Variants in IFT140 observed in about 807,000 individuals in gnomAD.
IFT140 encodes intraflagellar transport protein 140 homolog.
IFT140 carries 133 observed loss-of-function variants against 164.6 expected under a neutral mutation model. The observed-to-expected ratio is 0.81, with a 90% CI of 0.70 to 0.93. The LOEUF is 0.93. IFT140 is among the 40% of genes least tolerant of loss of function. The probability of loss-of-function intolerance (pLI) is 0.00; values close to 1 mark genes in which losing one functional copy is unlikely to be tolerated. For missense variants in IFT140, 2,045 were observed against 1,972.3 expected, an observed-to-expected ratio of 1.04 and a Z score of -0.70; for synonymous variants, 860 against 817.3, an observed-to-expected ratio of 1.05 and a Z score of -0.89.
rs543338352 is a variant in IFT140, at chr16:1,533,975, C to G, written c.2400-7179G>C. 4.5e-6 allele frequency: 2 copies of G among 447,664 alleles called. No homozygotes were observed. The highest frequency in any genetic ancestry group is 4.2e-5 in the African/African-American group (2 of 47,730). 27.7% of individuals were successfully genotyped at this position (447,664 alleles called of 1,614,324 possible). A position where few individuals can be genotyped will look rare whatever the true frequency, so the allele number is the denominator to read the frequency against. On this transcript the variant is annotated intron_variant, in intron 19 of 30. Coordinates refer to ENST00000426508, the MANE Select transcript of IFT140 (RefSeq NM_014714.4). The surrounding 1 kb of genome is among the most constrained non-coding windows in gnomAD (Gnocchi z 4.7). The stretch of plus-strand genomic sequence containing the variant: ...GCGGCACAGGCCGGCCTCCGCTTCC[C>G]GGGAAGACGGCGCACTCCTGGCCCT...
intron 19 of IFT140, among the ~76,000 whole-genome samples, chr16:1,527,506 G>A (rs1342603732): frequency 6.6e-6 from 1 of 152,186 alleles, no homozygotes. Flanking sequence ...GAAGGAACAG[G>A]GTGCCAAGTG....
intron 15 of IFT140, 79 bp from the exon 16 acceptor site, chr16:1,566,370 C>A: frequency 7.1e-7 from 1 of 1,413,750 alleles, no homozygotes; most frequent in African/African-American, 1.4e-5. Context: ...GGGACTGACA[C>A]AGCACATGTC....
At position 1,533,200 on chromosome 16, in the gene IFT140, C is replaced by T. The variant is rs3809586; in HGVS notation, c.2400-6404G>A. The stretch of plus-strand genomic sequence containing the variant: ...GGTGAACTTGCTCCCTCCAGGCACA[C>T]GGGTCTCTCCCCTTCCCAGCAATCC... On this transcript the variant is annotated intron_variant, in intron 19 of 30. Coordinates refer to ENST00000426508, the MANE Select transcript of IFT140 (RefSeq NM_014714.4). The surrounding 1 kb of genome is among the most constrained non-coding windows in gnomAD (Gnocchi z 4.7). 0.066 allele frequency: 9,998 copies of T among 152,510 alleles called. 567 individuals carry two copies. Among genetic ancestry groups the T allele is most frequent in the Admixed American group, 0.18 (2,785 of 15,294 alleles). 9.4% of individuals were successfully genotyped at this position (152,510 alleles called of 1,614,324 possible).
chr16:1,565,450 G>A (rs923145409), intron 16 of IFT140, among the ~76,000 whole-genome samples: 2 of 152,242 alleles, frequency 1.3e-5, no homozygotes, highest in East Asian at 1.9e-4. Flanking sequence ...AGAGGCAGGG[G>A]GAATCCAGGG....
intron 13 of IFT140, chr16:1,576,984 T>A (rs908495680): frequency 6.6e-6 from 1 of 152,166 alleles, no homozygotes; most frequent in African/African-American, 2.4e-5. Context: ...CACCTCCGAG[T>A]GGGCAGCTCC....
chr16:1,557,878 A>C (rs1051348500), intron 19 of IFT140, 57 bp downstream of exon 19: 1 of 1,535,208 alleles, frequency 6.5e-7, no homozygotes, highest in African/African-American at 1.4e-5. Flanking sequence ...ACAGGGAGAA[A>C]GGAAAGAGCC....
Position 1,605,707 on chromosome 16 carries a change from C to A in IFT140, c.147+1413G>T, listed in dbSNP as rs1038493841. 2.0e-5 allele frequency among the ~76,000 whole-genome samples: 3 copies of A among 152,074 alleles called. No homozygotes were observed. The South Asian group carries it at 6.2e-4, about 32-fold the overall frequency. ...GCGTGAGCCACCGCACCTGGCACCT[C>A]ATTTTCTTTATGGAATATGAGGTGC... is the stretch of plus-strand genomic sequence containing the variant. On this transcript the variant is annotated intron_variant, in intron 3 of 30. Coordinates refer to ENST00000426508, the MANE Select transcript of IFT140 (RefSeq NM_014714.4).
At chr16:1,513,519 A>T (rs1320050315) in intron 30 of IFT140, among the ~76,000 whole-genome samples, 2 of 151,932 alleles carry the variant, frequency 1.3e-5, no homozygotes, top group Non-Finnish European at 2.9e-5. Context: ...AAGAATGAGA[A>T]GAGAGGCTTC....
chr16:1,552,566 CA>C (rs1412396953), intron 19 of IFT140, among the ~76,000 whole-genome samples: 2 of 152,140 alleles, frequency 1.3e-5, no homozygotes, highest in African/African-American at 4.8e-5. Flanking sequence ...ATCGATACCA[CA>C]CAATCGTGAG....
intron 13 of IFT140, among the ~76,000 whole-genome samples, chr16:1,571,959 CCT>C (rs1253035492): frequency 3.9e-5 from 6 of 152,148 alleles, no homozygotes; most frequent in African/African-American, 1.4e-4. Flanking sequence ...CTGTGGAGGC[CCT>C]GTCATGTGAA....
chr16:1,556,286 G>A (rs953156635), intron 19 of IFT140, among the ~76,000 whole-genome samples: 1 of 152,216 alleles, frequency 6.6e-6, no homozygotes, highest in African/African-American at 2.4e-5. Context: ...TACATCTGAG[G>A]GGTCAAAACC....
In IFT140 at chr16:1,557,985, GAC is replaced by G. The variant is rs1567368218; in HGVS notation, c.2347_2348del (p.Val783HisfsTer18). 2.5e-6 allele frequency: 4 copies of G among 1,613,956 alleles called. No individual in the cohort carries two copies. The highest frequency in any genetic ancestry group is 3.4e-6 in the Non-Finnish European group (4 of 1,180,046). On this transcript the variant is annotated frameshift_variant, in exon 19 of 31. Transcript: ENST00000426508. LOFTEE classifies it high-confidence loss of function. ...RDAMLHFSFF[V>X]TIGDMDEAFK... ...AGGCTTCGTCCATGTCTCCTATGGTGACAAAGAAGCTGAAGTGGAGCATGGCG... is the reference window on the plus strand; with the variant it reads ...AGGCTTCGTCCATGTCTCCTATGGTGAAAGAAGCTGAAGTGGAGCATGGCG...
intron 19 of IFT140, chr16:1,540,687 G>C (rs1443676151): frequency 6.3e-6 from 2 of 319,162 alleles, no homozygotes; most frequent in African/African-American, 4.5e-5. Context: ...ACCCGCTCCT[G>C]AGTGGTGAGG....
chr16:1,581,458 G>C (rs1425067714), intron 12 of IFT140, among the ~76,000 whole-genome samples: 1 of 151,470 alleles, frequency 6.6e-6, no homozygotes, highest in Non-Finnish European at 1.5e-5. Flanking sequence ...AAATTGGCCA[G>C]GTGTTGTGGT....
rs2032800265 is a variant in IFT140, at chr16:1,553,058, G to T, written c.2399+4877C>A. The T allele has an allele frequency of 1.7e-5, 17 of 985,420 alleles. No homozygotes were observed. Among genetic ancestry groups the T allele is most frequent in the Non-Finnish European group, 2.0e-5 (17 of 829,924 alleles). 61.0% of individuals were successfully genotyped at this position (985,420 alleles called of 1,614,324 possible). On this transcript the variant is annotated intron_variant, in intron 19 of 30. Transcript: ENST00000426508. This position sits in a 1 kb window ranked among gnomAD's most constrained non-coding sequence, Gnocchi z 4.4. ...AACACAGAAACCAGTCACTGTCATT[G>T]TTCAGGACAAAATGGAGATAGATAA...
intron 1 of IFT140, among the ~76,000 whole-genome samples, chr16:1,611,122 G>A (rs1448429634): frequency 6.6e-6 from 1 of 152,210 alleles, no homozygotes; most frequent in African/African-American, 2.4e-5. Flanking sequence ...GATGCGCTCG[G>A]CAGTGTCCTG....
Position 1,526,628 on chromosome 16 carries a change from C to T in IFT140, c.2568G>A (p.Leu856=), listed in dbSNP as rs1279209561. ...GGCGGGCGCCCCTCACCAGCATGCC[C>T]AGCTGCGTGGCCAGCACGGCCACGC... ...EARVAVLATQ[L]GMLEDAEQLY... The change falls in exon 20 of 31, where the codon CTG becomes CTA. Residue 856 remains leucine (L), a synonymous_variant. Coordinates refer to ENST00000426508, the MANE Select transcript of IFT140 (RefSeq NM_014714.4). The T allele has an allele frequency of 6.4e-7, 1 of 1,563,266 alleles. No individual in the cohort carries two copies. Among genetic ancestry groups the T allele is most frequent in the Admixed American group, 1.8e-5 (1 of 54,188 alleles).
chr16:1,584,694 A>G (rs1223048667), intron 10 of IFT140, among the ~76,000 whole-genome samples: 1 of 152,168 alleles, frequency 6.6e-6, no homozygotes, highest in Non-Finnish European at 1.5e-5. Flanking sequence ...AGCGTTTTCT[A>G]GAGTTTTTCT....
Position 1,580,827 on chromosome 16 carries a change from C to T in IFT140, c.1456G>A (p.Val486Met), listed in dbSNP as rs748106804. Residue 486 changes from valine (V) to methionine (M), a missense_variant, in exon 13 of 31, where the codon GTG becomes ATG. Transcript: ENST00000426508. Reference protein sequence around the residue: ...SAGTFLCETPVLAMHEENVYT... With the variant: ...SAGTFLCETPMLAMHEENVYT... ...ACGTTTTCTTCATGCATTGCTAACA[C>T]AGGCGTCTCACACAAGAAGGTCCCT... 10 of 1,613,678 alleles carry T rather than the reference C, an allele frequency of 6.2e-6. No individual in the cohort carries two copies. In the East Asian group the frequency reaches 2.0e-4, roughly 32 times the overall value.
Sources: allele counts gnomAD v4.1 joint callset (sites outside exome capture counted in the v4.1 genomes callset), GRCh38; gene constraint gnomAD v4.1.1; non-coding constraint Gnocchi (gnomAD v3.1); transcripts MANE v1.5; gene names NCBI Gene and HGNC (gene_info 2026-07-23, HGNC 2026-07-21).